Variants in UBAC2 observed in about 807,000 individuals in gnomAD.
UBAC2 encodes UBA domain containing 2, also known as ubiquitin-associated domain-containing protein 2.
UBAC2 carries 26 observed loss-of-function variants against 44.0 expected under a neutral mutation model. The ratio of observed to expected loss-of-function variants is 0.59; its 90% CI spans 0.43 to 0.82. UBAC2 has a LOEUF of 0.82. UBAC2 is among the 40% of genes least tolerant of loss of function. The probability of loss-of-function intolerance (pLI) is 0.00; values close to 1 mark genes in which losing one functional copy is unlikely to be tolerated. For missense variants in UBAC2, 329 were observed against 419.4 expected (o/e 0.78, Z 1.88); for synonymous variants, 155 against 154.3 (o/e 1.00, Z -0.04).
intron 4 of UBAC2, chr13:99,255,641 G>A (rs766126078): frequency 4.3e-6 from 7 of 1,613,938 alleles, no homozygotes; most frequent in South Asian, 1.1e-5. Flanking sequence ...TAAAACATTC[G>A]AAAGGGTAAA....
intron 4 of UBAC2, among the ~76,000 whole-genome samples, chr13:99,273,539 T>A (rs2043844676): frequency 6.6e-6 from 1 of 152,068 alleles, no homozygotes; most frequent in African/African-American, 2.4e-5. Flanking sequence ...GAGGAAGAAA[T>A]GATTAAGGAA....
chr13:99,354,201 T>C (rs2045141120), intron 7 of UBAC2, among the ~76,000 whole-genome samples: 1 of 152,120 alleles, frequency 6.6e-6, no homozygotes, highest in Admixed American at 6.5e-5. Context: ...TCATATCTTA[T>C]TGGAGATAGG....
At chr13:99,352,440 T>A (rs2045107741) in intron 7 of UBAC2, among the ~76,000 whole-genome samples, 1 of 152,232 alleles carries the variant, frequency 6.6e-6, no homozygotes, top group Admixed American at 6.5e-5. Context: ...TAGCTGATCT[T>A]TATGACTGGC....
chr13:99,254,987 G>T, intron 4 of UBAC2: 1 of 1,613,970 alleles, frequency 6.2e-7, no homozygotes, highest in Non-Finnish European at 8.5e-7. Context: ...CTAATGACTC[G>T]AGCCTGAAAT....
Position 99,244,584 on chromosome 13 carries a change from T to A in UBAC2, c.349T>A (p.Phe117Ile). 6.2e-7 allele frequency: 1 copy of A among 1,613,378 alleles called. No individual in the cohort carries two copies. Among genetic ancestry groups the A allele is most frequent in the Non-Finnish European group, 8.5e-7 (1 of 1,179,512 alleles). ...TCTCCTCATTGAAGCTATGCAGTAT[T>A]TCTTTGGCATCACTGCAGCTAGTAA... ...DFLLIEAMQY[F>I]FGITAASNLP... The change falls in exon 4 of 9, where the codon TTC (phenylalanine) becomes ATC (isoleucine). Residue 117 changes from phenylalanine (F) to isoleucine (I), a missense_variant. Coordinates refer to ENST00000403766, the MANE Select transcript of UBAC2 (RefSeq NM_001144072.2).
intron 6 of UBAC2, among the ~76,000 whole-genome samples, chr13:99,320,878 A>C (rs932458299): frequency 9.2e-5 from 14 of 152,242 alleles, no homozygotes; most frequent in Non-Finnish European, 1.9e-4. Context: ...TCTCTTGCTC[A>C]ACATGACTTC....
intron 1 of UBAC2, among the ~76,000 whole-genome samples, chr13:99,222,912 T>C (rs757635219): frequency 2.6e-5 from 4 of 152,210 alleles, no homozygotes; most frequent in Non-Finnish European, 5.9e-5. Context: ...GTAACAGAGT[T>C]TGTATAGAAT....
At chr13:99,339,911 G>A (rs1048109310) in intron 6 of UBAC2, among the ~76,000 whole-genome samples, 1 of 152,178 alleles carries the variant, frequency 6.6e-6, no homozygotes, top group Non-Finnish European at 1.5e-5. Flanking sequence ...GCTGAGACAT[G>A]GCAGTTGTTT....
intron 2 of UBAC2, among the ~76,000 whole-genome samples, chr13:99,240,190 G>A (rs1444777799): frequency 6.6e-6 from 1 of 152,118 alleles, no homozygotes; most frequent in Non-Finnish European, 1.5e-5. Context: ...TTTTCTTTAG[G>A]TTGAGTTGCA....
At chr13:99,232,405 GATAT>G (rs145868043) in intron 1 of UBAC2, among the ~76,000 whole-genome samples, 1 of 117,862 alleles carries the variant, frequency 8.5e-6, no homozygotes. Context: ...GAGAGATATA[GATAT>G]ATATATATAT....
chr13:99,277,556 G>A (rs1173775393), intron 4 of UBAC2, among the ~76,000 whole-genome samples: 2 of 152,014 alleles, frequency 1.3e-5, no homozygotes, highest in East Asian at 3.9e-4. Context: ...AAAATAAAAG[G>A]CAATATTGGT....
intron 1 of UBAC2, among the ~76,000 whole-genome samples, chr13:99,204,900 CCT>C (rs1491454779): frequency 1.1e-4 from 11 of 100,308 alleles, no homozygotes; most frequent in African/African-American, 1.4e-4. Flanking sequence ...AGTTTCGTTT[CCT>C]TTTTTTTTTT....
At chr13:99,201,427 A>G (rs779848379) in intron 1 of UBAC2, 9 of 1,613,104 alleles carry the variant, frequency 5.6e-6, no homozygotes, top group Non-Finnish European at 7.6e-6. Context: ...TTTCTTCTTC[A>G]GTCTCCAAGA....
At chr13:99,346,179 C>A (rs969909611) in intron 7 of UBAC2, among the ~76,000 whole-genome samples, 6 of 152,226 alleles carry the variant, frequency 3.9e-5, no homozygotes, top group African/African-American at 1.4e-4. Flanking sequence ...GTCCTTCCTG[C>A]CTTCCCCACC....
chr13:99,279,687 C>T (rs776415234), intron 4 of UBAC2, among the ~76,000 whole-genome samples: 1 of 152,202 alleles, frequency 6.6e-6, no homozygotes, highest in Non-Finnish European at 1.5e-5. Context: ...TCTCACAGTT[C>T]TGGAGGCTGA....
chr13:99,296,560 T>G (rs766206838), intron 4 of UBAC2, among the ~76,000 whole-genome samples: 2 of 152,228 alleles, frequency 1.3e-5, no homozygotes, highest in Non-Finnish European at 2.9e-5. Context: ...CAGACAGGCA[T>G]TAAGCTTTGC....
chr13:99,251,966 A>G (rs1339347699), intron 4 of UBAC2, among the ~76,000 whole-genome samples: 1 of 152,224 alleles, frequency 6.6e-6, no homozygotes, highest in South Asian at 2.1e-4. Context: ...TTGCCATGTT[A>G]TCCAGGCTGG....
intron 4 of UBAC2, among the ~76,000 whole-genome samples, chr13:99,274,942 T>G (rs1396250624): frequency 6.6e-6 from 1 of 152,026 alleles, no homozygotes; most frequent in Non-Finnish European, 1.5e-5. Flanking sequence ...GGTCTCAAAC[T>G]CCTGTGCTCA....
At chr13:99,349,031 G>A (rs903354605) in intron 7 of UBAC2, among the ~76,000 whole-genome samples, 2 of 152,182 alleles carry the variant, frequency 1.3e-5, no homozygotes, top group Admixed American at 1.3e-4. Flanking sequence ...TGAAAATTCT[G>A]TGTGCTCAGG....
Sources: gnomAD v4.1 joint callset for allele counts (sites outside exome capture counted in the v4.1 genomes callset) on GRCh38, gnomAD v4.1.1 for gene constraint, MANE v1.5 for transcripts, NCBI Gene and HGNC (gene_info 2026-07-23, HGNC 2026-07-21) for gene names.